LRCH1: variants seen among roughly 807,000 people sequenced by gnomAD.
The protein encoded by LRCH1 is leucine-rich repeat and calponin homology domain-containing protein 1.
A neutral mutation model predicts 94.9 loss-of-function variants in LRCH1; 23 were observed. That is an observed-to-expected ratio of 0.24 (90% CI 0.17 to 0.34). The LOEUF is 0.34. LRCH1 is among the 10% of genes least tolerant of loss of function. The pLI is 1.00. For missense variants in LRCH1, 790 were observed against 945.9 expected, an observed-to-expected ratio of 0.84 and a Z score of 2.16; for synonymous variants, 364 against 354.9, an observed-to-expected ratio of 1.03 and a Z score of -0.29.
intron 15 of LRCH1, among the ~76,000 whole-genome samples, chr13:46,713,807 C>T (rs9534474): frequency 0.33 from 49,978 of 152,006 alleles, 8,390 homozygotes; most frequent in South Asian, 0.38. Flanking sequence ...AGTCCAGGCA[C>T]ACCTCATCTG....
In LRCH1 at chr13:46,742,745, C is replaced by T. The variant is rs1472116534; in HGVS notation, c.*897C>T. The T allele has an allele frequency of 9.1e-6, 9 of 985,378 alleles. No homozygotes were observed. Among genetic ancestry groups the T allele is most frequent in the Non-Finnish European group, 1.1e-5 (9 of 829,902 alleles). The allele number at this position is 985,378 out of a possible 1,614,324, so 61.0% of individuals were successfully genotyped here. A position where few individuals can be genotyped will look rare whatever the true frequency, so the allele number is the denominator to read the frequency against. On this transcript the variant is annotated 3_prime_UTR_variant, in exon 20 of 20. Transcript: ENST00000389797. ...GGTCCAGAATGTGACGGATTCGACT[C>T]TATTCATTTTCAAATAAAGCCATGA...
intron 1 of LRCH1, among the ~76,000 whole-genome samples, chr13:46,589,593 C>CATT (rs2050475454): frequency 2.6e-5 from 2 of 77,712 alleles, no homozygotes; most frequent in African/African-American, 1.1e-4. Flanking sequence ...AGTTCTCTCA[C>CATT]TTTTTTTTTT....
At chr13:46,581,940 A>G (rs1407039318) in intron 1 of LRCH1, among the ~76,000 whole-genome samples, 1 of 152,204 alleles carries the variant, frequency 6.6e-6, no homozygotes, top group East Asian at 1.9e-4. Context: ...ACTTGAGGTC[A>G]GGAGTTTTAG....
chr13:46,572,329 G>T (rs7323547), intron 1 of LRCH1, among the ~76,000 whole-genome samples: 1 of 152,030 alleles, frequency 6.6e-6, no homozygotes, highest in South Asian at 2.1e-4. Context: ...TATGTTTATC[G>T]TCTTATTTGA....
At position 46,591,594 on chromosome 13, in the gene LRCH1, G is replaced by A. The variant is rs1417710230; in HGVS notation, c.307+37891G>A. 3.9e-5 allele frequency among the ~76,000 whole-genome samples: 6 copies of A among 152,322 alleles called. No homozygotes were observed. The East Asian group carries it at 5.8e-4, about 15-fold the overall frequency. ...CCAGGTTCCTGCAGGCAATTAAGAC[G>A]AAAGTCATGATTTTGGAGAGCTCTG... On this transcript the variant is annotated intron_variant, in intron 1 of 19. Transcript: ENST00000389797.
intron 1 of LRCH1, among the ~76,000 whole-genome samples, chr13:46,620,739 A>G (rs1321379058): frequency 6.6e-6 from 1 of 152,246 alleles, no homozygotes; most frequent in African/African-American, 2.4e-5. Context: ...GGACATTCCC[A>G]TGCTTCACAT....
chr13:46,571,025 C>G (rs889801578), intron 1 of LRCH1, among the ~76,000 whole-genome samples: 1 of 152,244 alleles, frequency 6.6e-6, no homozygotes, highest in African/African-American at 2.4e-5. Context: ...CAGTTGCCCT[C>G]GGCCTCTCCA....
At chr13:46,567,683 A>G (rs1469632625) in intron 1 of LRCH1, among the ~76,000 whole-genome samples, 1 of 152,146 alleles carries the variant, frequency 6.6e-6, no homozygotes, top group Non-Finnish European at 1.5e-5. Flanking sequence ...TGTAAAAGGT[A>G]CTGTGCTATA....
chr13:46,693,664 A>G (rs1212951190), intron 8 of LRCH1, among the ~76,000 whole-genome samples: 2 of 152,186 alleles, frequency 1.3e-5, no homozygotes, highest in Non-Finnish European at 1.5e-5. Context: ...ATAATCATCA[A>G]ATGACCACTA....
intron 1 of LRCH1, among the ~76,000 whole-genome samples, chr13:46,609,331 A>T (rs570606769): frequency 6.6e-6 from 1 of 152,308 alleles, no homozygotes; most frequent in African/African-American, 2.4e-5. Context: ...AGGGAGTGAC[A>T]GTTCCATTGC....
At chr13:46,717,579 T>C (rs1872387044) in intron 16 of LRCH1, 1 of 152,236 alleles carries the variant, frequency 6.6e-6, no homozygotes, top group Non-Finnish European at 1.5e-5. Context: ...TATGTTTATC[T>C]TCATTCTCTT....
intron 1 of LRCH1, among the ~76,000 whole-genome samples, chr13:46,565,964 C>A (rs865986480): frequency 1.3e-5 from 2 of 151,778 alleles, no homozygotes; most frequent in Non-Finnish European, 1.5e-5. Flanking sequence ...TCCTGTGCCA[C>A]GTTGTGTATT....
At chr13:46,745,971 C>G (rs1873894387), downstream of LRCH1, among the ~76,000 whole-genome samples, 1 of 152,162 alleles carries the variant, frequency 6.6e-6, no homozygotes, top group Admixed American at 6.5e-5. Flanking sequence ...CTGGTCCCAT[C>G]TGACATTGAA....
chr13:46,582,720 T>TCTC (rs2050387590), intron 1 of LRCH1, among the ~76,000 whole-genome samples: 1 of 133,804 alleles, frequency 7.5e-6, no homozygotes, highest in Non-Finnish European at 1.6e-5. Context: ...AGGCTGGTCT[T>TCTC]GAACTTCTCA....
At chr13:46,695,149 A>G in intron 9 of LRCH1, 132 bp downstream of exon 9, 2 of 1,067,246 alleles carry the variant, frequency 1.9e-6, no homozygotes. Flanking sequence ...AGCGTTCCAA[A>G]CATCTCAGCG....
chr13:46,685,053 T>C (rs9595512), intron 4 of LRCH1, among the ~76,000 whole-genome samples: 4,855 of 152,312 alleles, frequency 0.032, 200 homozygotes, highest in African/African-American at 0.082. Flanking sequence ...TAAAGCGCAA[T>C]ATTCCATCCC....
chr13:46,733,233 A>G (rs2138236743), intron 18 of LRCH1, among the ~76,000 whole-genome samples: 1 of 152,312 alleles, frequency 6.6e-6, no homozygotes, highest in Middle Eastern at 3.4e-3. Flanking sequence ...AGTATAGTAT[A>G]TTATATATGA....
exon 19 of LRCH1, chr13:46,751,635 G>C (rs183804989): frequency 6.6e-6 from 1 of 152,326 alleles, no homozygotes; most frequent in Non-Finnish European, 1.5e-5. Flanking sequence ...GAAATAATAA[G>C]TGTTAGCATC....
chr13:46,720,072 AT>A (rs1273133186), intron 16 of LRCH1, among the ~76,000 whole-genome samples: 6 of 150,690 alleles, frequency 4.0e-5, no homozygotes, highest in Non-Finnish European at 8.9e-5. Flanking sequence ...AGCAGAACTT[AT>A]TTTTTTTCCT....
Sources: gnomAD v4.1 joint callset for allele counts (sites outside exome capture counted in the v4.1 genomes callset) on GRCh38, gnomAD v4.1.1 for gene constraint, MANE v1.5 for transcripts, NCBI Gene and HGNC (gene_info 2026-07-23, HGNC 2026-07-21) for gene names.